PCDH15: variants seen among roughly 807,000 people sequenced by gnomAD.
PCDH15 encodes the protein protocadherin-15.
A neutral mutation model predicts 178.5 loss-of-function variants in PCDH15; 129 were observed. The ratio of observed to expected loss-of-function variants is 0.72; its 90% CI spans 0.63 to 0.84. The LOEUF is 0.84. Ranked by LOEUF, PCDH15 falls within the 40% of genes least tolerant of loss-of-function variation. The probability of loss-of-function intolerance (pLI) is 0.00; values close to 1 mark genes in which losing one functional copy is unlikely to be tolerated. For missense variants in PCDH15, 2,230 were observed against 2,099.9 expected (o/e 1.06, Z -1.21); for synonymous variants, 800 against 732.0 (o/e 1.09, Z -1.50).
chr10:53,834,553 T>C (rs770601329), intron 29 of PCDH15, among the ~76,000 whole-genome samples: 4 of 150,686 alleles, frequency 2.7e-5, no homozygotes, highest in Non-Finnish European at 5.9e-5. Context: ...TCATCTACAG[T>C]GTACTCAGTT....
intron 3 of PCDH15, among the ~76,000 whole-genome samples, chr10:54,514,838 G>A (rs1565471517): frequency 6.6e-6 from 1 of 152,158 alleles, no homozygotes. Flanking sequence ...AATTCTAATA[G>A]AGGTATCAAT....
intron 1 of PCDH15, among the ~76,000 whole-genome samples, chr10:54,724,909 G>T (rs921392534): frequency 2.6e-5 from 1 of 38,254 alleles, no homozygotes; most frequent in Non-Finnish European, 7.5e-5. Flanking sequence ...TATATATATA[G>T]ATATAGATAT....
intron 1 of PCDH15, among the ~76,000 whole-genome samples, chr10:55,264,089 G>A (rs1488418624): frequency 6.6e-6 from 1 of 151,996 alleles, no homozygotes; most frequent in African/African-American, 2.4e-5. Flanking sequence ...TTTCTGATTG[G>A]GAAATTAATG....
In PCDH15 at chr10:55,008,500, C is replaced by A. The variant is rs111382792; in HGVS notation, c.-79-111000G>T. On this transcript the variant is annotated intron_variant, in intron 2 of 5. Transcript: ENST00000458638. ...TCAATCCTCTACACGCCTCTGTTCT[C>A]TCACTACAGCCCAAAGAAAGATGTA... 6.4e-3 allele frequency among the ~76,000 whole-genome samples: 979 copies of A among 152,270 alleles called. 12 individuals are homozygous for A. Among genetic ancestry groups the A allele is most frequent in the African/African-American group, 0.023 (952 of 41,572 alleles).
intron 2 of PCDH15, among the ~76,000 whole-genome samples, chr10:54,560,351 A>G (rs2087938910): frequency 6.6e-6 from 1 of 152,102 alleles, no homozygotes; most frequent in Non-Finnish European, 1.5e-5. Context: ...AGTGCTTTGG[A>G]TGATACTTTG....
intron 2 of PCDH15, among the ~76,000 whole-genome samples, chr10:55,547,931 G>GAGAGAGAGAGAGAGAA (rs1841924521): frequency 6.7e-6 from 1 of 149,292 alleles, no homozygotes; most frequent in Admixed American, 6.7e-5. Context: ...GAGAGAGAGA[G>GAGAGAGAGAGAGAGAA]AGAGAGAGAG....
intron 3 of PCDH15, among the ~76,000 whole-genome samples, chr10:54,878,068 T>C (rs1954185004): frequency 6.7e-6 from 1 of 149,212 alleles, no homozygotes; most frequent in Non-Finnish European, 1.5e-5. Context: ...GTTGAAGCCA[T>C]CCTCCTTCCT....
chr10:55,042,134 A>C (rs188933559), intron 2 of PCDH15, among the ~76,000 whole-genome samples: 4 of 152,222 alleles, frequency 2.6e-5, no homozygotes, highest in Admixed American at 1.3e-4. Context: ...AAATGGTAAG[A>C]TTCTTAGACA....
intron 3 of PCDH15, among the ~76,000 whole-genome samples, chr10:54,515,413 A>G (rs971013702): frequency 7.2e-5 from 11 of 152,206 alleles, no homozygotes; most frequent in Non-Finnish European, 1.3e-4. Flanking sequence ...GTAAGGCGGC[A>G]GACAGGCTGG....
intron 2 of PCDH15, among the ~76,000 whole-genome samples, chr10:54,653,637 C>T (rs2094311784): frequency 6.6e-6 from 1 of 152,122 alleles, no homozygotes; most frequent in African/African-American, 2.4e-5. Flanking sequence ...AATACCTAAC[C>T]TTGTGCGATT....
chr10:54,961,436 G>A (rs1443532578), intron 2 of PCDH15, among the ~76,000 whole-genome samples: 1 of 152,214 alleles, frequency 6.6e-6, no homozygotes, highest in Admixed American at 6.5e-5. Context: ...GGAATAGGCA[G>A]GTTTTCAGTG....
intron 3 of PCDH15, among the ~76,000 whole-genome samples, chr10:54,891,504 G>A (rs1400810448): frequency 6.6e-6 from 1 of 152,116 alleles, no homozygotes; most frequent in Non-Finnish European, 1.5e-5. Context: ...CAACATTTGT[G>A]AGAAGAAAAC....
At chr10:53,894,225 G>A (rs1295653108) in intron 26 of PCDH15, among the ~76,000 whole-genome samples, 1 of 152,120 alleles carries the variant, frequency 6.6e-6, no homozygotes, top group Non-Finnish European at 1.5e-5. Context: ...TGGTTTAAGT[G>A]CTAAACTAGA....
intron 7 of PCDH15, 107 bp downstream of exon 7, chr10:54,329,489 T>C (rs943419133): frequency 7.5e-6 from 6 of 802,310 alleles, no homozygotes; most frequent in Non-Finnish European, 1.1e-5. Flanking sequence ...AGTGCCCTGA[T>C]GAAGAAGTGA....
intron 1 of PCDH15, among the ~76,000 whole-genome samples, chr10:55,296,175 C>A (rs1425524129): frequency 6.6e-6 from 1 of 152,088 alleles, no homozygotes; most frequent in Non-Finnish European, 1.5e-5. Flanking sequence ...TGCTACCCTC[C>A]CAACACCTCC....
At chr10:55,109,780 A>C (rs1837451408) in intron 2 of PCDH15, among the ~76,000 whole-genome samples, 1 of 152,086 alleles carries the variant, frequency 6.6e-6, no homozygotes, top group Admixed American at 6.5e-5. Context: ...ATTGTTTCCA[A>C]ATATACATAT....
intron 14 of PCDH15, among the ~76,000 whole-genome samples, chr10:54,148,370 G>T (rs982989569): frequency 6.6e-6 from 1 of 151,880 alleles, no homozygotes; most frequent in Non-Finnish European, 1.5e-5. Flanking sequence ...GACAGTATTT[G>T]TATATAATCT....
intron 3 of PCDH15, among the ~76,000 whole-genome samples, chr10:54,833,151 T>C (rs1187075202): frequency 2.6e-5 from 4 of 152,192 alleles, no homozygotes; most frequent in African/African-American, 9.6e-5. Flanking sequence ...GCATTTATCA[T>C]TGGTCATGTG....
chr10:54,307,791 C>G (rs2060646583), intron 8 of PCDH15, among the ~76,000 whole-genome samples: 1 of 151,908 alleles, frequency 6.6e-6, no homozygotes, highest in African/African-American at 2.4e-5. Context: ...TAAATTAGGT[C>G]CTATCTACAT....
Sources: allele counts gnomAD v4.1 joint callset (sites outside exome capture counted in the v4.1 genomes callset), GRCh38; gene constraint gnomAD v4.1.1; transcripts MANE v1.5; gene names NCBI Gene and HGNC (gene_info 2026-07-23, HGNC 2026-07-21).